The following SPG11 variants were observed in gnomAD, a reference collection of about 807,000 sequenced individuals.
The protein encoded by SPG11 is SPG11 vesicle trafficking associated, spatacsin.
SPG11 carries 222 observed loss-of-function variants against 274.0 expected under a neutral mutation model. That is an observed-to-expected ratio of 0.81 (90% CI 0.73 to 0.91). The LOEUF (loss-of-function observed/expected upper bound fraction) is 0.91. Among genes scored for constraint, SPG11 ranks in the 40% least tolerant of loss-of-function variants. The pLI, the probability that SPG11 is intolerant of heterozygous loss-of-function variation, is 0.00. For synonymous variants in SPG11, 1,144 were observed against 1,039.7 expected (o/e 1.10, Z -1.93); for missense variants, 3,114 against 2,872.7 (o/e 1.08, Z -1.92).
chr15:44,563,749 C>T (rs1373082079), intron 39 of SPG11, among the ~76,000 whole-genome samples: 1 of 152,036 alleles, frequency 6.6e-6, no homozygotes, highest in Non-Finnish European at 1.5e-5. Flanking sequence ...CTTGCAGCCT[C>T]CCGAGTAACT....
chr15:44,659,408 T>A, intron 2 of SPG11, 105 bp from the exon 3 acceptor site: 1 of 1,002,960 alleles, frequency 1.0e-6, no homozygotes. Context: ...AAAAAGGAAC[T>A]GGACTTAGTC....
At chr15:44,655,818 C>T (rs1242564233) in intron 4 of SPG11, among the ~76,000 whole-genome samples, 1 of 152,050 alleles carries the variant, frequency 6.6e-6, no homozygotes, top group Non-Finnish European at 1.5e-5. Context: ...TGCATACATA[C>T]CTATAATAAA....
chr15:44,592,848 C>T (rs1036058811), intron 26 of SPG11, among the ~76,000 whole-genome samples: 1 of 151,634 alleles, frequency 6.6e-6, no homozygotes, highest in East Asian at 1.9e-4. Context: ...TAACATTAGC[C>T]AAGTGTGGTG....
intron 15 of SPG11, among the ~76,000 whole-genome samples, chr15:44,619,396 G>A (rs1444386396): frequency 6.6e-6 from 1 of 152,154 alleles, no homozygotes; most frequent in Non-Finnish European, 1.5e-5. Context: ...CACACAAATG[G>A]CAAGTTCATA....
chr15:44,570,437 C>T (rs1031088324), intron 34 of SPG11, 88 bp downstream of exon 34: 2 of 1,563,272 alleles, frequency 1.3e-6, no homozygotes, highest in African/African-American at 2.7e-5. Context: ...CCCCCTACGA[C>T]TACATCAGCT....
chr15:44,585,361 G>A (rs1045972192), intron 29 of SPG11, among the ~76,000 whole-genome samples: 11 of 151,036 alleles, frequency 7.3e-5, no homozygotes, highest in Admixed American at 4.0e-4. Context: ...AGGCAGAGGC[G>A]GGCGGATCAC....
chr15:44,599,986 T>C (rs1018888456), intron 21 of SPG11, among the ~76,000 whole-genome samples: 2 of 152,214 alleles, frequency 1.3e-5, no homozygotes, highest in African/African-American at 4.8e-5. Context: ...CATTAGGTAT[T>C]TGTCCTAACG....
chr15:44,652,188 ATCT>A lies in SPG11; in HGVS notation c.945_947del (p.Glu315del). On this transcript the variant is annotated inframe_deletion, in exon 5 of 40. Transcript: ENST00000261866. ...TGTTGTAGGCAGAGTTAACAGGATC[ATCT>A]TCATCTACGCCCTTAGGTCCTTGAA... 6.2e-7 allele frequency: 1 copy of A among 1,614,144 alleles called. No individual in the cohort carries two copies. The highest frequency in any genetic ancestry group is 8.5e-7 in the Non-Finnish European group (1 of 1,180,006).
chr15:44,652,467 G>A (rs2084813127), intron 4 of SPG11, among the ~76,000 whole-genome samples: 3 of 152,102 alleles, frequency 2.0e-5, no homozygotes, highest in African/African-American at 7.2e-5. Flanking sequence ...AGGGCAGTTA[G>A]CTTGATAAAG....
chr15:44,570,282 G>T (rs1316015347), intron 34 of SPG11, among the ~76,000 whole-genome samples: 1 of 152,218 alleles, frequency 6.6e-6, no homozygotes, highest in African/African-American at 2.4e-5. Flanking sequence ...ACTAGGGGGT[G>T]GGATGGCCCT....
intron 20 of SPG11, among the ~76,000 whole-genome samples, chr15:44,602,406 A>G (rs2083216439): frequency 6.6e-6 from 1 of 151,786 alleles, no homozygotes; most frequent in East Asian, 1.9e-4. Flanking sequence ...ATTTGTTGAG[A>G]GTTTTTATTA....
rs186093360 is a variant in SPG11, at chr15:44,578,829, C to G, written c.5867-3788G>C. Among the ~76,000 whole-genome samples the G allele has an allele frequency of 1.7e-4, 26 of 152,334 alleles. 1 individual carries two copies. In the East Asian group the frequency reaches 4.6e-3, roughly 27 times the overall value. The stretch of plus-strand genomic sequence containing the variant: ...AGGATTTAAATAAGATCCACAGTCT[C>G]AAATAGTGTATTTTAATAATACACT... On this transcript the variant is annotated intron_variant, in intron 30 of 39. Coordinates refer to ENST00000261866, the MANE Select transcript of SPG11 (RefSeq NM_025137.4).
At position 44,621,754 on chromosome 15, in the gene SPG11, C is replaced by T. The variant is rs2083757420; in HGVS notation, c.2620+5G>A. 2 of 1,613,722 alleles carry T rather than the reference C, an allele frequency of 1.2e-6. No individual in the cohort carries two copies. Among genetic ancestry groups the T allele is most frequent in the Non-Finnish European group, 1.7e-6 (2 of 1,179,714 alleles). Reference sequence around the variant, plus strand: ...TGTTCATATTTCAGGCTCTCTCACACTTGCCTTCTGGACTTATCCTGGGGA... The same window carrying T: ...TGTTCATATTTCAGGCTCTCTCACATTTGCCTTCTGGACTTATCCTGGGGA... On this transcript the variant is annotated splice_donor_5th_base_variant and intron_variant, in intron 14 of 39. Transcript: ENST00000261866.
chr15:44,569,267 G>A, intron 35 of SPG11, 131 bp downstream of exon 35: 1 of 723,604 alleles, frequency 1.4e-6, no homozygotes, highest in East Asian at 2.7e-5. Flanking sequence ...TGTATGTCTT[G>A]GGGAGGTCCC....
chr15:44,563,929 G>A (rs1461681637), intron 39 of SPG11, among the ~76,000 whole-genome samples: 1 of 152,188 alleles, frequency 6.6e-6, no homozygotes, highest in African/African-American at 2.4e-5. Context: ...TTAAAAATGA[G>A]TATGTTAATG....
In SPG11 at chr15:44,584,469, A is replaced by G. The variant is rs1024346199; in HGVS notation, c.5211T>C (p.Asn1737=). Residue 1737 remains asparagine, a synonymous_variant, in exon 30 of 40, where the codon AAT becomes AAC. Transcript: ENST00000261866. ...TGCTTGAAATTGAATTTTTCTTAAA[A>G]TTCTCATGGCATTTTTTCCAGAAGT... The part of the protein sequence containing the change: ...RIDFWKKCHE[N]FKKNSISSKA... 6.2e-7 allele frequency: 1 copy of G among 1,614,210 alleles called. No homozygotes were observed. The highest frequency in any genetic ancestry group is 8.5e-7 in the Non-Finnish European group (1 of 1,180,046).
intron 7 of SPG11, among the ~76,000 whole-genome samples, chr15:44,639,402 C>CA (rs1481714816): frequency 6.6e-6 from 1 of 151,878 alleles, no homozygotes; most frequent in Non-Finnish European, 1.5e-5. Context: ...CCTAGTACCC[C>CA]AATTAAGAAA....
At position 44,600,641 on chromosome 15, in the gene SPG11, A is replaced by G. The variant is rs1395728939; in HGVS notation, c.3521-9T>C. On this transcript the variant is annotated splice_polypyrimidine_tract_variant and intron_variant, in intron 20 of 39. Transcript: ENST00000261866. Reference sequence around the variant, plus strand: ...GAGATGACTCCATGCATCTAGGGGGAAAGTAAAACAATATTAATTATCTGT... The same window carrying G: ...GAGATGACTCCATGCATCTAGGGGGGAAGTAAAACAATATTAATTATCTGT... The G allele has an allele frequency of 5.0e-6, 8 of 1,612,604 alleles. No homozygotes were observed. Among genetic ancestry groups the G allele is most frequent in the Non-Finnish European group, 6.8e-6 (8 of 1,178,936 alleles).
chr15:44,590,178 C>T (rs1427777488), intron 27 of SPG11, among the ~76,000 whole-genome samples: 1 of 152,240 alleles, frequency 6.6e-6, no homozygotes, highest in East Asian at 1.9e-4. Context: ...ATTATAAAAA[C>T]CGCTTAGAAA....
Sources: gnomAD v4.1 joint callset for allele counts (sites outside exome capture counted in the v4.1 genomes callset) on GRCh38, gnomAD v4.1.1 for gene constraint, MANE v1.5 for transcripts, NCBI Gene and HGNC (gene_info 2026-07-23, HGNC 2026-07-21) for gene names.